TRPC6: variants seen among roughly 807,000 people sequenced by gnomAD.
The protein encoded by TRPC6 is transient receptor potential cation channel subfamily C member 6.
Under a neutral mutation model 90.7 loss-of-function variants are expected in TRPC6, and 55 were observed. The observed-to-expected ratio is 0.61, with a 90% confidence interval of 0.49 to 0.76. The LOEUF is 0.76. Among genes scored for constraint, TRPC6 ranks in the 30% least tolerant of loss-of-function variants. The pLI, the probability that TRPC6 is intolerant of heterozygous loss-of-function variation, is 0.00. For synonymous variants in TRPC6, 393 were observed against 393.0 expected (o/e 1.00, Z 0.00); for missense variants, 989 against 1,122.7 (o/e 0.88, Z 1.70).
chr11:101,480,051 GCCTGTAAT>G (rs1309356510), intron 5 of TRPC6, among the ~76,000 whole-genome samples: 2 of 152,014 alleles, frequency 1.3e-5, no homozygotes, highest in Non-Finnish European at 2.9e-5. Flanking sequence ...GATAGCTCAT[GCCTGTAAT>G]CCCAGCTACT....
At position 101,491,650 on chromosome 11, in the gene TRPC6, A is replaced by AT. The variant is rs1201925220; in HGVS notation, c.1033dup (p.Ile345AsnfsTer7). 1 of 1,613,858 alleles carries AT rather than the reference A, an allele frequency of 6.2e-7. No homozygotes were observed. The highest frequency in any genetic ancestry group is 8.5e-7 in the Non-Finnish European group (1 of 1,180,000). ...GAGCGTTTCAACATCCCCATTCAGA[A>AT]TGGCCTCGACTTCTTCAGTGTTTCT... On this transcript the variant is annotated frameshift_variant, in exon 3 of 13. Coordinates refer to ENST00000344327, the MANE Select transcript of TRPC6 (RefSeq NM_004621.6). LOFTEE classifies it high-confidence loss of function.
chr11:101,512,748 T>C (rs949519104), intron 1 of TRPC6, among the ~76,000 whole-genome samples: 1 of 152,152 alleles, frequency 6.6e-6, no homozygotes, highest in Non-Finnish European at 1.5e-5. Context: ...AATAGAGTAC[T>C]CTTGGGAATA....
rs144891994 is a variant in TRPC6, at chr11:101,504,081, C to T, written c.888G>A (p.Thr296=). The stretch of plus-strand genomic sequence containing the variant: ...CCAGTTCATTGCTAAGTTCTAAAGC[C>T]GTCATGACTGGATCTTCACTAGACA... ...LSLSSEDPVM[T]ALELSNELAV... Residue 296 remains threonine (T), a synonymous_variant, in exon 2 of 13, where the codon ACG becomes ACA. Coordinates refer to ENST00000344327, the MANE Select transcript of TRPC6 (RefSeq NM_004621.6). 549 of 1,613,998 alleles carry T rather than the reference C, an allele frequency of 3.4e-4. 1 individual carries two copies. Among genetic ancestry groups the T allele is most frequent in the Admixed American group, 8.0e-4 (48 of 60,002 alleles).
intron 1 of TRPC6, among the ~76,000 whole-genome samples, chr11:101,551,588 T>G (rs1861451735): frequency 6.6e-6 from 1 of 151,954 alleles, no homozygotes; most frequent in African/African-American, 2.4e-5. Context: ...AGCTGCACAT[T>G]TTTTCTGTAG....
chr11:101,544,854 T>C (rs1861261811), intron 1 of TRPC6, among the ~76,000 whole-genome samples: 1 of 150,706 alleles, frequency 6.6e-6, no homozygotes, highest in Non-Finnish European at 1.5e-5. Flanking sequence ...GTTCTGCACA[T>C]ATACCCCAGA....
chr11:101,581,607 A>G (rs972816124), intron 1 of TRPC6, among the ~76,000 whole-genome samples: 3 of 117,098 alleles, frequency 2.6e-5, no homozygotes, highest in Admixed American at 9.7e-5. Flanking sequence ...ACCCTCAGAC[A>G]TCGGAGATCT....
intron 1 of TRPC6, among the ~76,000 whole-genome samples, chr11:101,579,746 T>C (rs1049310263): frequency 1.3e-5 from 2 of 152,200 alleles, no homozygotes; most frequent in African/African-American, 4.8e-5. Context: ...TGTATGCTGG[T>C]GGGCATATAT....
chr11:101,558,428 T>C (rs1231554780), intron 1 of TRPC6, among the ~76,000 whole-genome samples: 2 of 103,306 alleles, frequency 1.9e-5, no homozygotes, highest in Non-Finnish European at 3.9e-5. Flanking sequence ...CACACATATC[T>C]ACATATATAC....
intron 7 of TRPC6, among the ~76,000 whole-genome samples, chr11:101,472,904 G>A (rs893999599): frequency 1.3e-5 from 2 of 151,864 alleles, no homozygotes; most frequent in Non-Finnish European, 2.9e-5. Flanking sequence ...TTACATTTCA[G>A]TTGTTGCTTC....
intron 2 of TRPC6, among the ~76,000 whole-genome samples, chr11:101,492,282 T>A (rs1859844847): frequency 6.6e-6 from 1 of 152,112 alleles, no homozygotes; most frequent in Non-Finnish European, 1.5e-5. Context: ...TAATCAAAGT[T>A]ATTTAAAAAA....
intron 5 of TRPC6, 110 bp downstream of exon 5, chr11:101,482,839 A>T: frequency 8.8e-7 from 1 of 1,138,086 alleles, no homozygotes; most frequent in Non-Finnish European, 1.3e-6. Context: ...TGTGTGGTGC[A>T]CTGTATCATG....
intron 1 of TRPC6, among the ~76,000 whole-genome samples, chr11:101,537,038 G>T (rs7932074): frequency 0.018 from 2,800 of 152,306 alleles, 106 homozygotes; most frequent in African/African-American, 0.064. Context: ...AAGGTTAAAT[G>T]TGTTTACCAA....
At position 101,473,639 on chromosome 11, in the gene TRPC6, G is replaced by C. The variant is rs1859344896; in HGVS notation, c.1879C>G (p.Leu627Val). 6.2e-7 allele frequency: 1 copy of C among 1,613,772 alleles called. No homozygotes were observed. The highest frequency in any genetic ancestry group is 1.3e-5 in the African/African-American group (1 of 75,024). ...NESFGPLQIS[L>V]GRTVKDIFKF... Reference sequence around the variant, plus strand: ...AAGATGTCTTTGACTGTTCTTCCAAGTGATATCTGCAGAGGTCCAAAGCTT... The same window carrying C: ...AAGATGTCTTTGACTGTTCTTCCAACTGATATCTGCAGAGGTCCAAAGCTT... Residue 627 changes from leucine (L) to valine (V), a missense_variant, in exon 7 of 13, where the codon CTT becomes GTT. Around this residue, in one of 4 missense-constraint regions of TRPC6, gnomAD observed 118 missense variants for 197.6 expected, o/e 0.60. Transcript: ENST00000344327.
chr11:101,517,033 T>A (rs1015046791), intron 1 of TRPC6, among the ~76,000 whole-genome samples: 2 of 152,252 alleles, frequency 1.3e-5, no homozygotes, highest in Non-Finnish European at 2.9e-5. Context: ...CGCTGAAAGC[T>A]ACATAATATG....
chr11:101,453,186 C>A lies in TRPC6; in HGVS notation c.2645-80G>T, dbSNP rs957203179. 19 of 1,336,488 alleles carry A rather than the reference C, an allele frequency of 1.4e-5. No homozygotes were observed. The African/African-American group carries it at 2.3e-4, about 16-fold the overall frequency. The allele number at this position is 1,336,488 out of a possible 1,614,324, so 82.8% of individuals were successfully genotyped here. ...TAGTGACTGTGGGACAGGAGGAAAT[C>A]AGCTCTAATTTCACACACAATTTTA... On this transcript the variant is annotated intron_variant, in intron 12 of 12. Transcript: ENST00000344327.
At position 101,583,415 on chromosome 11, in the gene TRPC6, T is replaced by C; in HGVS notation, c.89A>G (p.Asp30Gly). 1 of 1,574,486 alleles carries C rather than the reference T, an allele frequency of 6.4e-7. No homozygotes were observed. The change falls in exon 1 of 13, where the codon GAC (aspartate) becomes GGC (glycine). Residue 30 changes from aspartate (D) to glycine (G), a missense_variant. This residue lies in a region of TRPC6 where 194 missense variants were observed against 136.5 expected (regional missense o/e 1.42). Coordinates refer to ENST00000344327, the MANE Select transcript of TRPC6 (RefSeq NM_004621.6). Reference sequence around the variant, plus strand: ...CAGCTCCGAGTCCATGAGCAGATAGTCCTGGCTCTCGTTGCGCCGCGCAGC... The same window carrying C: ...CAGCTCCGAGTCCATGAGCAGATAGCCCTGGCTCTCGTTGCGCCGCGCAGC... ...GAAARRNESQ[D>G]YLLMDSELGE...
chr11:101,470,174 G>A (rs1859254453), intron 9 of TRPC6, among the ~76,000 whole-genome samples: 1 of 152,178 alleles, frequency 6.6e-6, no homozygotes, highest in Non-Finnish European at 1.5e-5. Context: ...ATGGTGGGAG[G>A]CTCACTACTT....
chr11:101,505,644 G>A lies in TRPC6; in HGVS notation c.171-846C>T, dbSNP rs536843380. 3.9e-5 allele frequency among the ~76,000 whole-genome samples: 6 copies of A among 152,074 alleles called. No individual in the cohort carries two copies. In the South Asian group the frequency reaches 1.2e-3, roughly 32 times the overall value. On this transcript the variant is annotated intron_variant, in intron 1 of 12. Coordinates refer to ENST00000344327, the MANE Select transcript of TRPC6 (RefSeq NM_004621.6). ...AAAATTATAATCAAGTTGTCAGGTAGGAAAAAACACTTCTATGGTGCAGGC... is the reference window on the plus strand; with the variant it reads ...AAAATTATAATCAAGTTGTCAGGTAAGAAAAAACACTTCTATGGTGCAGGC...
intron 1 of TRPC6, among the ~76,000 whole-genome samples, chr11:101,558,235 GGGTATACATGTATATA>G (rs1565243204): frequency 4.3e-4 from 35 of 82,218 alleles, no homozygotes; most frequent in African/African-American, 1.7e-3. Flanking sequence ...ACATGTATAT[GGGTATACATGTATATA>G]TGTATACATG....
Sources: allele counts gnomAD v4.1 joint callset (sites outside exome capture counted in the v4.1 genomes callset), GRCh38; gene constraint gnomAD v4.1.1; regional missense constraint gnomAD v4.1.1; transcripts MANE v1.5; gene names NCBI Gene and HGNC (gene_info 2026-07-23, HGNC 2026-07-21).